Variants in CPNE2 observed in about 807,000 individuals in gnomAD.
CPNE2 encodes copine-2.
Under a neutral mutation model 69.7 loss-of-function variants are expected in CPNE2, and 42 were observed. The ratio of observed to expected loss-of-function variants is 0.60; its 90% CI spans 0.47 to 0.78. CPNE2 has a LOEUF of 0.78. Among genes scored for constraint, CPNE2 ranks in the 30% least tolerant of loss-of-function variants. CPNE2 has a pLI of 0.00. For missense variants in CPNE2, 587 were observed against 732.0 expected (o/e 0.80, Z 2.29); for synonymous variants, 294 against 289.8 (o/e 1.01, Z -0.15).
intron 14 of CPNE2, among the ~76,000 whole-genome samples, chr16:57,139,151 C>T (rs1220165522): frequency 2.6e-5 from 4 of 152,088 alleles, no homozygotes; most frequent in Non-Finnish European, 4.4e-5. Context: ...GATAATTTGG[C>T]GAGTAGAAGC....
In CPNE2 at chr16:57,148,160, G is replaced by A. The variant is rs2069973951; in HGVS notation, c.*502G>A. The A allele has an allele frequency of 6.6e-6, 1 of 152,276 alleles. No homozygotes were observed. Among genetic ancestry groups the A allele is most frequent in the African/African-American group, 2.4e-5 (1 of 41,396 alleles). 9.4% of individuals were successfully genotyped at this position (152,276 alleles called of 1,614,324 possible). A position where few individuals can be genotyped will look rare whatever the true frequency, so the allele number is the denominator to read the frequency against. On this transcript the variant is annotated 3_prime_UTR_variant, in exon 16 of 16. Coordinates refer to ENST00000290776, the MANE Select transcript of CPNE2 (RefSeq NM_152727.6). ...TCAGCTCCTTCCTCAGCAGGGACCTGACGGGCTCACTGATCTAAGAAAGGA... is the reference window on the plus strand; with the variant it reads ...TCAGCTCCTTCCTCAGCAGGGACCTAACGGGCTCACTGATCTAAGAAAGGA...
chr16:57,137,614 A>AC (rs2145278979), intron 14 of CPNE2, among the ~76,000 whole-genome samples: 1 of 152,110 alleles, frequency 6.6e-6, no homozygotes, highest in South Asian at 2.1e-4. Context: ...CCTAACGCTG[A>AC]CCCTTCTGAG....
chr16:57,107,852 A>G (rs2069657345), intron 1 of CPNE2, among the ~76,000 whole-genome samples: 1 of 149,580 alleles, frequency 6.7e-6, no homozygotes, highest in South Asian at 2.1e-4. Flanking sequence ...TGCACGGGCT[A>G]AGACAGAGCA....
At chr16:57,103,607 C>T (rs2069629375) in intron 1 of CPNE2, among the ~76,000 whole-genome samples, 2 of 152,228 alleles carry the variant, frequency 1.3e-5, no homozygotes, top group South Asian at 2.1e-4. Context: ...AGCTCTTCTC[C>T]CCTTCGGGGT....
chr16:57,130,987 G>A lies in CPNE2; in HGVS notation c.1116+3084G>A, dbSNP rs1197490368. Among the ~76,000 whole-genome samples the A allele has an allele frequency of 6.6e-6, 1 of 152,142 alleles. No homozygotes were observed. The highest frequency in any genetic ancestry group is 1.5e-5 in the Non-Finnish European group (1 of 68,022). On this transcript the variant is annotated intron_variant, in intron 12 of 15. Coordinates refer to ENST00000290776, the MANE Select transcript of CPNE2 (RefSeq NM_152727.6). This position sits in a 1 kb window ranked among gnomAD's most constrained non-coding sequence, Gnocchi z 4.1. ...AACCACGGGCACCAGGGGAGGGGTG[G>A]TTTGGTGGCTCAGAGATGGAGACGT...
chr16:57,124,404 GGCACTT>G, intron 10 of CPNE2: 1 of 456,238 alleles, frequency 2.2e-6, no homozygotes, highest in South Asian at 1.6e-5. Context: ...CTATTTTCTG[GGCACTT>G]GCCGCCCCGA....
At chr16:57,098,277 G>A (rs8044208) in intron 1 of CPNE2, among the ~76,000 whole-genome samples, 9,022 of 152,282 alleles carry the variant, frequency 0.059, 557 homozygotes, top group East Asian at 0.21. Flanking sequence ...ATTTATCCCC[G>A]TAATGGCCTG....
chr16:57,147,522 T>TCCCAA (rs1487806866), intron 15 of CPNE2, 29 bp from the exon 16 acceptor site: 1 of 1,490,028 alleles, frequency 6.7e-7, no homozygotes, highest in African/African-American at 1.4e-5. Flanking sequence ...TTCTCTCTCT[T>TCCCAA]CCCCACCCCA....
intron 1 of CPNE2, chr16:57,093,902 T>C: frequency 2.7e-6 from 1 of 368,932 alleles, no homozygotes; most frequent in Non-Finnish European, 5.4e-6. Flanking sequence ...CCTGCCCTGA[T>C]GGGGAGGCCT....
chr16:57,115,614 T>C, intron 4 of CPNE2, 64 bp downstream of exon 4: 3 of 918,838 alleles, frequency 3.3e-6, no homozygotes, highest in Non-Finnish European at 4.5e-6. Flanking sequence ...CCCCCATCAA[T>C]GGGCCGCTTC....
chr16:57,121,851 C>A, intron 9 of CPNE2, 91 bp downstream of exon 9: 2 of 1,265,798 alleles, frequency 1.6e-6, no homozygotes, highest in Non-Finnish European at 2.3e-6. Context: ...GCCAGCGAGG[C>A]CTGTGTTCAA....
chr16:57,101,249 C>T (rs2069611492), intron 1 of CPNE2, among the ~76,000 whole-genome samples: 1 of 152,250 alleles, frequency 6.6e-6, no homozygotes, highest in Non-Finnish European at 1.5e-5. Context: ...ACATTTCTCT[C>T]TCTGCATAGA....
At chr16:57,114,233 T>C (rs1220393163) in intron 3 of CPNE2, among the ~76,000 whole-genome samples, 1 of 152,140 alleles carries the variant, frequency 6.6e-6, no homozygotes. Context: ...CTTAAGGGCT[T>C]GTGGACAGGG....
intron 4 of CPNE2, 69 bp downstream of exon 4, chr16:57,115,619 C>A: frequency 1.8e-6 from 2 of 1,117,166 alleles, no homozygotes; most frequent in Non-Finnish European, 2.6e-6. Context: ...ATCAATGGGC[C>A]GCTTCCCTGG....
chr16:57,138,655 A>G (rs2069900506), intron 14 of CPNE2, among the ~76,000 whole-genome samples: 7 of 143,926 alleles, frequency 4.9e-5, no homozygotes, highest in Admixed American at 3.5e-4. Context: ...CCTGACCACT[A>G]TATGAAGCAG....
At position 57,092,923 on chromosome 16, in the gene CPNE2, C is replaced by T. The variant is rs1240630371; in HGVS notation, c.-36+133C>T. 6.6e-6 allele frequency: 1 copy of T among 151,790 alleles called. No individual in the cohort carries two copies. Among genetic ancestry groups the T allele is most frequent in the African/African-American group, 2.4e-5 (1 of 41,356 alleles). 9.4% of individuals were successfully genotyped at this position (151,790 alleles called of 1,614,324 possible). Reference sequence around the variant, plus strand: ...CTCGGGGGGCTGCGGCGCTCTAGCCCCCGCCGCCAGCGCGAACCCGGACTC... The same window carrying T: ...CTCGGGGGGCTGCGGCGCTCTAGCCTCCGCCGCCAGCGCGAACCCGGACTC... On this transcript the variant is annotated intron_variant, in intron 1 of 15. Transcript: ENST00000290776. The surrounding 1 kb of genome is among the most constrained non-coding windows in gnomAD (Gnocchi z 5.3).
At chr16:57,117,419 C>T in intron 4 of CPNE2, 77 bp from the exon 5 acceptor site, 2 of 1,481,138 alleles carry the variant, frequency 1.4e-6, no homozygotes, top group Non-Finnish European at 1.9e-6. Flanking sequence ...GAGGATTGCT[C>T]CTGGGGCACC....
At chr16:57,102,462 C>CT (rs2069620714) in intron 1 of CPNE2, among the ~76,000 whole-genome samples, 2 of 152,152 alleles carry the variant, frequency 1.3e-5, no homozygotes, top group African/African-American at 4.8e-5. Context: ...ACCTTGAGGG[C>CT]TGTGTATCCA....
intron 11 of CPNE2, among the ~76,000 whole-genome samples, chr16:57,127,300 G>T (rs1166635998): frequency 1.3e-5 from 2 of 152,202 alleles, no homozygotes; most frequent in Non-Finnish European, 2.9e-5. Context: ...CAGCATTGAA[G>T]TTGGAATGTG....
Sources: gnomAD v4.1 joint callset for allele counts (sites outside exome capture counted in the v4.1 genomes callset) on GRCh38, gnomAD v4.1.1 for gene constraint, Gnocchi (gnomAD v3.1) non-coding constraint, MANE v1.5 for transcripts, NCBI Gene and HGNC (gene_info 2026-07-23, HGNC 2026-07-21) for gene names.